The following C2orf66 variants were observed in gnomAD, a reference collection of about 807,000 sequenced individuals.
C2orf66 encodes the protein uncharacterized protein C2orf66.
Under a neutral mutation model 7.0 loss-of-function variants are expected in C2orf66, and 6 were observed. The observed-to-expected ratio is 0.86, with a 90% CI of 0.47 to 1.69. The LOEUF (loss-of-function observed/expected upper bound fraction) is 1.69. Among genes scored for constraint, C2orf66 ranks in the 40% most tolerant of loss-of-function variants. The pLI is 0.01. For missense variants in C2orf66, 107 were observed against 112.0 expected, an observed-to-expected ratio of 0.96 and a Z score of 0.20; for synonymous variants, 38 against 43.8, an observed-to-expected ratio of 0.87 and a Z score of 0.52.
chr2:196,821,413 C>T, the C2orf66 span, among the ~76,000 whole-genome samples: 20 of 152,238 alleles, frequency 1.3e-4, no homozygotes, highest in Non-Finnish European at 2.2e-4. Flanking sequence ...TGACTCACCA[C>T]AACTGCTTTA....
rs1017811513 is a variant in C2orf66, at chr2:196,805,062, G to A, written c.*366C>T. 1 of 151,930 alleles carries A rather than the reference G, an allele frequency of 6.6e-6. No homozygotes were observed. The highest frequency in any genetic ancestry group is 1.5e-5 in the Non-Finnish European group (1 of 67,976). The allele number at this position is 151,930 out of a possible 1,614,324, so 9.4% of individuals were successfully genotyped here. ...CATGTCCCTTTAAAAAAATATATTG[G>A]TCGATAAAAGATAATAAACATAAAA... On this transcript the variant is annotated 3_prime_UTR_variant, in exon 3 of 3. Transcript: ENST00000342506.
At chr2:196,827,419 TTC>T in the C2orf66 span, among the ~76,000 whole-genome samples, 23 of 151,372 alleles carry the variant, frequency 1.5e-4, no homozygotes, top group Non-Finnish European at 2.6e-4. Flanking sequence ...TTAACATAAA[TTC>T]TTTTTTTTCT....
chr2:196,822,461 C>T, the C2orf66 span, among the ~76,000 whole-genome samples: 2 of 152,186 alleles, frequency 1.3e-5, no homozygotes, highest in African/African-American at 2.4e-5. Flanking sequence ...TGCTTCTTTA[C>T]GCCAGAACTC....
chr2:196,827,315 C>T, the C2orf66 span, among the ~76,000 whole-genome samples: 1 of 147,462 alleles, frequency 6.8e-6, no homozygotes, highest in Non-Finnish European at 1.5e-5. Flanking sequence ...CTTGTTGGAA[C>T]AAAGAATTTA....
At chr2:196,826,940 G>C in the C2orf66 span, among the ~76,000 whole-genome samples, 1 of 151,800 alleles carries the variant, frequency 6.6e-6, no homozygotes, top group African/African-American at 2.4e-5. Context: ...CTAAGGCAGG[G>C]GAATCGCTTG....
intron 1 of C2orf66, 56 bp from the exon 2 acceptor site, chr2:196,807,678 A>ATTTTT: frequency 1.4e-6 from 2 of 1,429,058 alleles, no homozygotes; most frequent in Non-Finnish European, 1.9e-6. Context: ...CCAAAAATAA[A>ATTTTT]GGTGTTTTTC....
the C2orf66 span, among the ~76,000 whole-genome samples, chr2:196,830,441 G>T: frequency 6.6e-6 from 1 of 152,160 alleles, no homozygotes; most frequent in Non-Finnish European, 1.5e-5. Flanking sequence ...ATCATTCCCC[G>T]CTTCTCCTGT....
At chr2:196,814,113 A>C (rs577988785), upstream of C2orf66, among the ~76,000 whole-genome samples, 154 of 152,340 alleles carry the variant, frequency 1.0e-3, no homozygotes, top group African/African-American at 3.4e-3. Context: ...CTATAAAGAC[A>C]CATGCACACA....
the C2orf66 span, among the ~76,000 whole-genome samples, chr2:196,830,197 T>G: frequency 6.6e-6 from 1 of 152,192 alleles, no homozygotes; most frequent in African/African-American, 2.4e-5. Flanking sequence ...CTCTATTGAC[T>G]AAGGGAATGT....
chr2:196,821,231 G>A, the C2orf66 span, among the ~76,000 whole-genome samples: 2 of 152,206 alleles, frequency 1.3e-5, no homozygotes, highest in African/African-American at 2.4e-5. Flanking sequence ...CCCTACCCAT[G>A]CCTGGATTTT....
chr2:196,824,433 T>A, the C2orf66 span, among the ~76,000 whole-genome samples: 1 of 152,228 alleles, frequency 6.6e-6, no homozygotes, highest in Non-Finnish European at 1.5e-5. Context: ...AAAGAACTGC[T>A]TACCTCTTTT....
the C2orf66 span, among the ~76,000 whole-genome samples, chr2:196,823,171 G>A: frequency 1.8e-4 from 27 of 152,260 alleles, no homozygotes; most frequent in East Asian, 9.6e-4. Context: ...AAGGGTGGCC[G>A]TAAAGAGCTA....
chr2:196,826,551 G>C, the C2orf66 span, among the ~76,000 whole-genome samples: 1 of 152,166 alleles, frequency 6.6e-6, no homozygotes, highest in East Asian at 1.9e-4. Flanking sequence ...ATAGTTGCCA[G>C]GCAATCAGGA....
Position 196,808,228 on chromosome 2 carries a change from G to C in C2orf66, c.124-606C>G, listed in dbSNP as rs551758392. On this transcript the variant is annotated intron_variant, in intron 1 of 2. Transcript: ENST00000342506. ...GGCTAATTCATAGGTAGTGCACCTA[G>C]GGCTGACAACATATGGGCTCTTATC... is the stretch of plus-strand genomic sequence containing the variant. 5.9e-5 allele frequency among the ~76,000 whole-genome samples: 9 copies of C among 152,312 alleles called. No homozygotes were observed. In the South Asian group the frequency reaches 1.9e-3, roughly 32 times the overall value.
At chr2:196,823,453 C>T in the C2orf66 span, among the ~76,000 whole-genome samples, 2 of 151,666 alleles carry the variant, frequency 1.3e-5, no homozygotes, top group Admixed American at 6.6e-5. Flanking sequence ...CCAAATCCTG[C>T]CTCTGCAAAA....
At chr2:196,812,383 A>AC (rs528512138), upstream of C2orf66, among the ~76,000 whole-genome samples, 242 of 152,260 alleles carry the variant, frequency 1.6e-3, 2 homozygotes, top group Admixed American at 0.014. Context: ...AAATTCAACA[A>AC]CCTTCATGCT....
the C2orf66 span, among the ~76,000 whole-genome samples, chr2:196,824,679 C>T: frequency 6.6e-6 from 1 of 152,186 alleles, no homozygotes; most frequent in South Asian, 2.1e-4. Context: ...TAATAATAGA[C>T]AGGTTCTGAT....
upstream of C2orf66, among the ~76,000 whole-genome samples, chr2:196,813,793 C>T (rs1316103236): frequency 5.9e-5 from 9 of 152,172 alleles, no homozygotes; most frequent in African/African-American, 2.2e-4. Flanking sequence ...CAGAAGAAGA[C>T]GTTTATGCAG....
At chr2:196,810,165 G>A (rs1010855338), upstream of C2orf66, 2 of 152,138 alleles carry the variant, frequency 1.3e-5, no homozygotes, top group African/African-American at 4.8e-5. Context: ...CATTTTATGT[G>A]GATTTTATAA....
Sources: allele counts gnomAD v4.1 joint callset (sites outside exome capture counted in the v4.1 genomes callset), GRCh38; gene constraint gnomAD v4.1.1; transcripts MANE v1.5; gene names NCBI Gene and HGNC (gene_info 2026-07-23, HGNC 2026-07-21).